The following CLIP1 variants were observed in gnomAD, a reference collection of about 807,000 sequenced individuals.
The protein encoded by CLIP1 is CAP-Gly domain containing linker protein 1.
Under a neutral mutation model 161.6 loss-of-function variants are expected in CLIP1, and 66 were observed. The ratio of observed to expected loss-of-function variants is 0.41; its 90% confidence interval spans 0.33 to 0.50. CLIP1 has a LOEUF of 0.50. CLIP1 is among the 20% of genes least tolerant of loss of function. CLIP1 has a pLI of 0.27. For synonymous variants in CLIP1, 598 were observed against 626.2 expected, an observed-to-expected ratio of 0.96 and a Z score of 0.67; for missense variants, 1,376 against 1,702.0, an observed-to-expected ratio of 0.81 and a Z score of 3.37.
In CLIP1 at chr12:122,340,873, A is replaced by G. The variant is rs745938664; in HGVS notation, c.2331T>C (p.Asp777=). Residue 777 remains aspartate (D), a synonymous_variant, in exon 11 of 26, where the codon GAT becomes GAC. Transcript: ENST00000620786. ...CTTCGGAACTGGCTTTCCGAAGTGC[A>G]TCAAGATCCAAGAGCTTTTCTTCAG... ...KATEEKLLDL[D]ALRKASSEGK... 1.9e-6 allele frequency: 3 copies of G among 1,614,216 alleles called. No individual in the cohort carries two copies. Among genetic ancestry groups the G allele is most frequent in the South Asian group, 2.2e-5 (2 of 91,080 alleles).
intron 1 of CLIP1, among the ~76,000 whole-genome samples, chr12:122,394,831 G>A (rs1593238015): frequency 6.6e-6 from 1 of 152,050 alleles, no homozygotes; most frequent in African/African-American, 2.4e-5. Context: ...CCAGTCTGGC[G>A]ACAGCATGAG....
At chr12:122,293,955 T>C (rs939966023) in intron 20 of CLIP1, among the ~76,000 whole-genome samples, 5 of 151,576 alleles carry the variant, frequency 3.3e-5, no homozygotes, top group African/African-American at 1.2e-4. Context: ...AAGGTAAACA[T>C]ACACTTACCA....
At chr12:122,422,095 C>A (rs1190597976) in intron 1 of CLIP1, among the ~76,000 whole-genome samples, 1 of 152,106 alleles carries the variant, frequency 6.6e-6, no homozygotes, top group Non-Finnish European at 1.5e-5. Flanking sequence ...AGGCGCGGCG[C>A]CCGGGGCAAC....
intron 9 of CLIP1, 80 bp downstream of exon 9, chr12:122,351,031 G>C (rs1416531865): frequency 2.9e-6 from 3 of 1,052,426 alleles, no homozygotes; most frequent in Admixed American, 2.3e-5. Flanking sequence ...GTTAGTGTTT[G>C]AGTATATCAA....
intron 2 of CLIP1, 29 bp downstream of exon 2, chr12:122,380,335 TAGGA>T (rs1305739486): frequency 6.4e-6 from 9 of 1,406,642 alleles, no homozygotes; most frequent in Non-Finnish European, 8.9e-6. Context: ...AGTCTCCATA[TAGGA>T]TAAGGAAAGG....
chr12:122,344,850 T>TA (rs1478304914), intron 10 of CLIP1, among the ~76,000 whole-genome samples: 1 of 152,178 alleles, frequency 6.6e-6, no homozygotes, highest in East Asian at 1.9e-4. Flanking sequence ...ATATGAAACT[T>TA]ACATGGGTAG....
chr12:122,374,749 G>A (rs951172745), intron 3 of CLIP1, among the ~76,000 whole-genome samples: 4 of 151,982 alleles, frequency 2.6e-5, no homozygotes, highest in African/African-American at 4.8e-5. Context: ...GCAACAGAGC[G>A]AGACTCTGTC....
chr12:122,416,916 CAAT>C (rs1268121342), intron 1 of CLIP1, among the ~76,000 whole-genome samples: 1 of 151,474 alleles, frequency 6.6e-6, no homozygotes, highest in African/African-American at 2.4e-5. Context: ...ATAATTATAA[CAAT>C]AACATGGTGC....
intron 2 of CLIP1, among the ~76,000 whole-genome samples, chr12:122,378,460 T>C (rs1390026026): frequency 6.6e-6 from 1 of 152,206 alleles, no homozygotes; most frequent in Non-Finnish European, 1.5e-5. Flanking sequence ...TTCACTACCA[T>C]CTTCAATGCT....
chr12:122,354,953 G>A, intron 6 of CLIP1, 162 bp downstream of exon 6: 1 of 649,382 alleles, frequency 1.5e-6, no homozygotes, highest in Non-Finnish European at 2.7e-6. Context: ...ATGGAAACTG[G>A]CACCCCAGAC....
At chr12:122,341,725 GATC>G (rs757931670) in intron 10 of CLIP1, 28 bp from the exon 11 acceptor site, 1 of 630,386 alleles carries the variant, frequency 1.6e-6, no homozygotes, top group South Asian at 3.4e-5. Context: ...AAGAAAAAAA[GATC>G]ATTTAAATAA....
intron 18 of CLIP1, among the ~76,000 whole-genome samples, chr12:122,317,625 G>A (rs1371574240): frequency 6.6e-6 from 1 of 152,198 alleles, no homozygotes; most frequent in East Asian, 1.9e-4. Context: ...CATTCCTCAA[G>A]GTGGCTCCTG....
rs74970553 is a variant in CLIP1, at chr12:122,386,167, T to G, written c.-106-5609A>C. On this transcript the variant is annotated intron_variant, in intron 1 of 25. Coordinates refer to ENST00000620786, the MANE Select transcript of CLIP1 (RefSeq NM_001247997.2). ...CGGATGTGGTGTTGCACGCCTGTAG[T>G]CCCAGTTACTTGGGAGGCTGAGTTA... 0.01 allele frequency among the ~76,000 whole-genome samples: 1,579 copies of G among 152,088 alleles called. 75 individuals are homozygous for G. The East Asian group carries it at 0.15, about 14-fold the overall frequency.
intron 17 of CLIP1, among the ~76,000 whole-genome samples, chr12:122,326,811 A>G (rs1458198636): frequency 6.6e-6 from 1 of 152,232 alleles, no homozygotes; most frequent in African/African-American, 2.4e-5. Flanking sequence ...CACAAAGACA[A>G]AAGATCTGGG....
Position 122,340,737 on chromosome 12 carries a change from G to T in CLIP1, c.2451+16C>A. 4.0e-6 allele frequency: 6 copies of T among 1,516,286 alleles called. No homozygotes were observed. The highest frequency in any genetic ancestry group is 1.3e-5 in the South Asian group (1 of 79,544). 93.9% of individuals were successfully genotyped at this position (1,516,286 alleles called of 1,614,324 possible). ...AACAAATGGAAAAGAAAAGAATGGA[G>T]GATGTCAATACAAACCTTGCTACTT... On this transcript the variant is annotated intron_variant, in intron 11 of 25. Coordinates refer to ENST00000620786, the MANE Select transcript of CLIP1 (RefSeq NM_001247997.2).
intron 20 of CLIP1, among the ~76,000 whole-genome samples, chr12:122,293,783 A>AT (rs1380190047): frequency 8.1e-6 from 1 of 123,188 alleles, no homozygotes; most frequent in Non-Finnish European, 1.7e-5. Flanking sequence ...CGGCCTGAGA[A>AT]TTTGTTTTTT....
chr12:122,405,618 A>C (rs1395608763), intron 1 of CLIP1, among the ~76,000 whole-genome samples: 5 of 143,750 alleles, frequency 3.5e-5, no homozygotes, highest in East Asian at 4.2e-4. Flanking sequence ...GCAAAACCCC[A>C]TCTTTACTAA....
At chr12:122,289,220 G>A (rs1218287205) in intron 20 of CLIP1, among the ~76,000 whole-genome samples, 1 of 151,848 alleles carries the variant, frequency 6.6e-6, no homozygotes, top group South Asian at 2.1e-4. Flanking sequence ...TCAGGAGTTC[G>A]AGCCCAGCCT....
chr12:122,315,075 T>C (rs1295666748), intron 19 of CLIP1, among the ~76,000 whole-genome samples: 2 of 152,140 alleles, frequency 1.3e-5, no homozygotes, highest in African/African-American at 4.8e-5. Context: ...CAGGAGCAGC[T>C]CAGATCACTC....
Sources: gnomAD v4.1 joint callset for allele counts (sites outside exome capture counted in the v4.1 genomes callset) on GRCh38, gnomAD v4.1.1 for gene constraint, MANE v1.5 for transcripts, NCBI Gene and HGNC (gene_info 2026-07-23, HGNC 2026-07-21) for gene names.